The following NCK2 variants were observed in gnomAD, a reference collection of about 807,000 sequenced individuals.
The protein encoded by NCK2 is NCK adaptor protein 2.
In NCK2, 16 loss-of-function variants were observed where a neutral mutation model predicts 33.9. The observed-to-expected ratio is 0.47, with a 90% CI of 0.32 to 0.72. The LOEUF is 0.72. Among genes scored for constraint, NCK2 ranks in the 30% least tolerant of loss-of-function variants. NCK2 has a pLI of 0.03. For synonymous variants in NCK2, 273 were observed against 239.9 expected, an observed-to-expected ratio of 1.14 and a Z score of -1.27; for missense variants, 418 against 537.3, an observed-to-expected ratio of 0.78 and a Z score of 2.19.
intron 2 of NCK2, among the ~76,000 whole-genome samples, chr2:105,824,285 A>T (rs1003736047): frequency 6.6e-6 from 1 of 152,156 alleles, no homozygotes; most frequent in African/African-American, 2.4e-5. Context: ...GCTCACAGGG[A>T]ATGAGTGGGA....
chr2:105,863,311 G>T lies in NCK2; in HGVS notation c.226+8022G>T, dbSNP rs79322481. Among the ~76,000 whole-genome samples, 549 of 152,198 alleles carry T rather than the reference G, an allele frequency of 3.6e-3. 3 individuals are homozygous for T. The highest frequency in any genetic ancestry group is 0.012 in the African/African-American group (493 of 41,530). Reference sequence around the variant, plus strand: ...TGTTCATCTCTGAAATGAAATGTGGGTAACAAATGCAGCAGCCTGGTTCTC... The same window carrying T: ...TGTTCATCTCTGAAATGAAATGTGGTTAACAAATGCAGCAGCCTGGTTCTC... On this transcript the variant is annotated intron_variant, in intron 3 of 4. Transcript: ENST00000233154.
At chr2:105,751,865 A>C (rs938998387) in intron 1 of NCK2, among the ~76,000 whole-genome samples, 1 of 152,220 alleles carries the variant, frequency 6.6e-6, no homozygotes, top group African/African-American at 2.4e-5. Flanking sequence ...ACCCCTTGAA[A>C]TACAATGTGA....
chr2:105,785,267 A>C (rs1257174781), intron 1 of NCK2, among the ~76,000 whole-genome samples: 1 of 152,182 alleles, frequency 6.6e-6, no homozygotes, highest in Non-Finnish European at 1.5e-5. Flanking sequence ...CGTGAGCGGC[A>C]GTTGGTTCTT....
At chr2:105,883,954 CG>C (rs1267820260) in intron 4 of NCK2, among the ~76,000 whole-genome samples, 1 of 152,144 alleles carries the variant, frequency 6.6e-6, no homozygotes, top group African/African-American at 2.4e-5. Flanking sequence ...ATAGCAGCAC[CG>C]TCTTTGTCTG....
intron 1 of NCK2, among the ~76,000 whole-genome samples, chr2:105,785,194 G>A (rs1465439069): frequency 6.6e-6 from 1 of 152,180 alleles, no homozygotes; most frequent in Non-Finnish European, 1.5e-5. Context: ...TAGCCAGGAT[G>A]GTCTCCATCT....
At chr2:105,784,216 G>A (rs538566140) in intron 1 of NCK2, among the ~76,000 whole-genome samples, 11 of 152,286 alleles carry the variant, frequency 7.2e-5, no homozygotes, top group South Asian at 6.2e-4. Flanking sequence ...TAATCCGCCC[G>A]CCTCAGCCTC....
intron 1 of NCK2, among the ~76,000 whole-genome samples, chr2:105,765,652 G>T (rs1689910892): frequency 7.1e-6 from 1 of 141,222 alleles, no homozygotes; most frequent in Non-Finnish European, 1.6e-5. Flanking sequence ...AGAGACAGAG[G>T]TAGTGGGTAG....
At chr2:105,884,007 G>T (rs1678616274) in intron 4 of NCK2, among the ~76,000 whole-genome samples, 1 of 152,220 alleles carries the variant, frequency 6.6e-6, no homozygotes, top group Non-Finnish European at 1.5e-5. Flanking sequence ...AGCTTGTCCT[G>T]ATGGATCTTG....
At chr2:105,768,868 G>T (rs890025927) in intron 1 of NCK2, among the ~76,000 whole-genome samples, 1 of 152,176 alleles carries the variant, frequency 6.6e-6, no homozygotes, top group Non-Finnish European at 1.5e-5. Context: ...GCCCCCTGGG[G>T]GAGACACCTC....
intron 2 of NCK2, among the ~76,000 whole-genome samples, chr2:105,852,571 G>A (rs1236005349): frequency 6.6e-6 from 1 of 152,192 alleles, no homozygotes; most frequent in Non-Finnish European, 1.5e-5. Context: ...CCTTCATGCA[G>A]TAGGAAATAT....
At chr2:105,752,793 ATAGTC>A (rs1164832278) in intron 1 of NCK2, among the ~76,000 whole-genome samples, 3 of 152,148 alleles carry the variant, frequency 2.0e-5, no homozygotes, top group South Asian at 2.1e-4. Flanking sequence ...TTATGGCTGA[ATAGTC>A]TATTTTCTTT....
chr2:105,835,424 TTTTTTTTTTGGTCAGC>T, intron 2 of NCK2, among the ~76,000 whole-genome samples: 1 of 122,530 alleles, frequency 8.2e-6, no homozygotes, highest in South Asian at 2.6e-4. Flanking sequence ...TATATATATA[TTTTTTTTTTGGTCAGC>T]ATTTTGAATA....
intron 1 of NCK2, among the ~76,000 whole-genome samples, chr2:105,779,215 G>T (rs1690406574): frequency 6.7e-6 from 1 of 149,308 alleles, no homozygotes; most frequent in Non-Finnish European, 1.5e-5. Context: ...GCTGAGGCAT[G>T]AGAATCGCTA....
chr2:105,744,677 G>A (rs76504160), upstream of NCK2, among the ~76,000 whole-genome samples: 40,990 of 151,476 alleles, frequency 0.27, 6,645 homozygotes, highest in Middle Eastern at 0.37. Flanking sequence ...GCGCTATCCC[G>A]GCGCCCGTAC....
chr2:105,866,745 G>C (rs935004401), intron 3 of NCK2, among the ~76,000 whole-genome samples: 2 of 151,480 alleles, frequency 1.3e-5, no homozygotes, highest in Non-Finnish European at 2.9e-5. Context: ...CTGTGGCCCC[G>C]GGGGGTTGGG....
At chr2:105,848,235 T>TG (rs1378288433) in intron 2 of NCK2, among the ~76,000 whole-genome samples, 1 of 152,134 alleles carries the variant, frequency 6.6e-6, no homozygotes, top group Non-Finnish European at 1.5e-5. Context: ...AACACAGAAA[T>TG]GGGGGGCAGA....
At chr2:105,807,308 T>A (rs1450287756) in intron 1 of NCK2, among the ~76,000 whole-genome samples, 1 of 152,184 alleles carries the variant, frequency 6.6e-6, no homozygotes, top group Non-Finnish European at 1.5e-5. Flanking sequence ...ACCCAGGTGC[T>A]CTCCTCGAAG....
At chr2:105,891,485 A>G (rs936463849) in intron 4 of NCK2, among the ~76,000 whole-genome samples, 1 of 147,824 alleles carries the variant, frequency 6.8e-6, no homozygotes, top group African/African-American at 2.5e-5. Flanking sequence ...TTTATCGTTC[A>G]GTATCTTCTT....
At chr2:105,887,588 G>A (rs1431754876) in intron 4 of NCK2, among the ~76,000 whole-genome samples, 1 of 152,188 alleles carries the variant, frequency 6.6e-6, no homozygotes, top group East Asian at 1.9e-4. Flanking sequence ...AAAAGTACCT[G>A]GAGCAAGGCC....
Sources: allele counts gnomAD v4.1 joint callset (sites outside exome capture counted in the v4.1 genomes callset), GRCh38; gene constraint gnomAD v4.1.1; transcripts MANE v1.5; gene names NCBI Gene and HGNC (gene_info 2026-07-23, HGNC 2026-07-21).